The following FAM81A variants were observed in gnomAD, a reference collection of about 807,000 sequenced individuals.
FAM81A encodes family with sequence similarity 81 member A.
In FAM81A, 19 loss-of-function variants were observed where a neutral mutation model predicts 46.7. That is an observed-to-expected ratio of 0.41 (90% confidence interval 0.28 to 0.60). The LOEUF is 0.60. Ranked by LOEUF, FAM81A falls within the 20% of genes least tolerant of loss-of-function variation. The pLI is 0.34. For missense variants in FAM81A, 377 were observed against 453.5 expected (o/e 0.83, Z 1.53); for synonymous variants, 183 against 152.9 (o/e 1.20, Z -1.45).
upstream of FAM81A, chr15:59,438,059 C>G (rs2081255426): frequency 6.7e-6 from 1 of 149,138 alleles, no homozygotes; most frequent in African/African-American, 2.4e-5. Context: ...AGGCAACGCG[C>G]CCGGAAGCGG....
intron 2 of FAM81A, among the ~76,000 whole-genome samples, chr15:59,422,303 A>T (rs1378043073): frequency 6.6e-6 from 1 of 152,056 alleles, no homozygotes; most frequent in Non-Finnish European, 1.5e-5. Flanking sequence ...TTAGGGTATC[A>T]CTTGAGCCCA....
intron 3 of FAM81A, among the ~76,000 whole-genome samples, chr15:59,480,469 C>A (rs1483723370): frequency 1.3e-5 from 2 of 152,022 alleles, no homozygotes; most frequent in Non-Finnish European, 2.9e-5. Context: ...TATTCCAAGC[C>A]GTTTTGGGAA....
rs78895617 is a variant in FAM81A, at chr15:59,448,853, G to A, written c.-77-9697G>A. 1.3e-4 allele frequency among the ~76,000 whole-genome samples: 20 copies of A among 152,040 alleles called. No homozygotes were observed. The East Asian group carries it at 3.7e-3, about 28-fold the overall frequency. ...TTTATTGTTATTTTGTTGTAGAGACGGGGGCATTGCTATGTTGCACAGGCT... is the reference window on the plus strand; with the variant it reads ...TTTATTGTTATTTTGTTGTAGAGACAGGGGCATTGCTATGTTGCACAGGCT... On this transcript the variant is annotated intron_variant, in intron 1 of 8. Transcript: ENST00000288228.
In FAM81A at chr15:59,460,118, G is replaced by A. The variant is rs1277100664; in HGVS notation, c.206G>A (p.Gly69Glu). Residue 69 changes from glycine (G) to glutamate (E), a missense_variant, in exon 3 of 9, where the codon GGG becomes GAG. Coordinates refer to ENST00000288228, the MANE Select transcript of FAM81A (RefSeq NM_152450.3). The surrounding 1 kb of genome is among the most constrained non-coding windows in gnomAD (Gnocchi z 4.4). The part of the protein sequence containing the change: ...VNSLQKMQNK[G>E]GGDRLARLFL... ...AGTTTGCAGAAAATGCAAAACAAAG[G>A]GGGAGGTGACCGCTTGGCCAGGCTT... 1.2e-6 allele frequency: 2 copies of A among 1,613,882 alleles called. No individual in the cohort carries two copies. Among genetic ancestry groups the A allele is most frequent in the East Asian group, 2.2e-5 (1 of 44,902 alleles).
In FAM81A at chr15:59,477,771, G is replaced by A. The variant is rs148225444; in HGVS notation, c.295-14500G>A. Among the ~76,000 whole-genome samples, 313 of 152,270 alleles carry A rather than the reference G, an allele frequency of 2.1e-3. 2 individuals are homozygous for A. The highest frequency in any genetic ancestry group is 7.0e-3 in the African/African-American group (290 of 41,560). ...TTATATTCTTTCAGCAGATACCAGT[G>A]TCAAAACAGATGACTCTTGTATACT... On this transcript the variant is annotated intron_variant, in intron 3 of 8. Transcript: ENST00000288228.
At chr15:59,449,694 A>G (rs1183610819) in intron 1 of FAM81A, among the ~76,000 whole-genome samples, 1 of 148,170 alleles carries the variant, frequency 6.7e-6, no homozygotes, top group Non-Finnish European at 1.5e-5. Flanking sequence ...AGGCAGGAGA[A>G]TGGCGTGAAC....
intron 4 of FAM81A, among the ~76,000 whole-genome samples, chr15:59,500,083 C>A (rs1347585614): frequency 4.0e-5 from 6 of 151,818 alleles, no homozygotes; most frequent in Admixed American, 6.6e-5. Flanking sequence ...AAACTCCTGG[C>A]CTCAAGTGAT....
chr15:59,500,672 ACT>A (rs1369099563), intron 4 of FAM81A, among the ~76,000 whole-genome samples: 1 of 140,040 alleles, frequency 7.1e-6, no homozygotes, highest in Admixed American at 7.1e-5. Flanking sequence ...TTTTTTGGAG[ACT>A]CTCTTCATTT....
At position 59,454,591 on chromosome 15, in the gene FAM81A, T is replaced by C. The variant is rs569350611; in HGVS notation, c.-77-3959T>C. On this transcript the variant is annotated intron_variant, in intron 1 of 8. Transcript: ENST00000288228. ...CTCTTCTGTGAACTTCTGAATTCTA[T>C]TTATATATTGCATATTTTGGGCATT... Among the ~76,000 whole-genome samples, 24 of 152,218 alleles carry C rather than the reference T, an allele frequency of 1.6e-4. No homozygotes were observed. In the East Asian group the frequency reaches 4.6e-3, roughly 29 times the overall value.
chr15:59,501,643 ACT>A (rs1221638889), intron 4 of FAM81A, among the ~76,000 whole-genome samples: 5 of 152,024 alleles, frequency 3.3e-5, no homozygotes, highest in Non-Finnish European at 5.9e-5. Flanking sequence ...GACGTTTGGG[ACT>A]CTCTAGATGG....
chr15:59,476,312 T>C (rs1244338835), intron 3 of FAM81A, among the ~76,000 whole-genome samples: 1 of 149,996 alleles, frequency 6.7e-6, no homozygotes, highest in African/African-American at 2.4e-5. Context: ...AGCCTCAACC[T>C]CCTGGGCTCA....
intron 2 of FAM81A, among the ~76,000 whole-genome samples, chr15:59,417,268 G>T (rs2141546778): frequency 6.6e-6 from 1 of 152,150 alleles, no homozygotes; most frequent in Admixed American, 6.6e-5. Flanking sequence ...TGAGTTAGTG[G>T]TCACATGCCG....
chr15:59,510,071 A>C (rs868048159), intron 6 of FAM81A, among the ~76,000 whole-genome samples: 18 of 152,200 alleles, frequency 1.2e-4, no homozygotes, highest in Middle Eastern at 3.2e-3. Flanking sequence ...TCAAACTTAG[A>C]AAACCAAATA....
intron 2 of FAM81A, among the ~76,000 whole-genome samples, chr15:59,433,035 G>T (rs1461377409): frequency 1.2e-4 from 18 of 150,460 alleles, no homozygotes; most frequent in Admixed American, 1.2e-3. Flanking sequence ...CCAGCTACTC[G>T]GGAGGCTGAG....
chr15:59,419,954 G>A, intron 2 of FAM81A, among the ~76,000 whole-genome samples: 1 of 152,144 alleles, frequency 6.6e-6, no homozygotes, highest in East Asian at 1.9e-4. Context: ...TCATGCAGCT[G>A]GAATGTATTT....
rs182130848 is a variant in FAM81A at position 59,491,101 on chromosome 15, A to G, written c.295-1170A>G. ...GAAAGGAAATCAGTATATGGAAGAG[A>G]TATCTGCACTCCCGTGTTTATTGCA... On this transcript the variant is annotated intron_variant, in intron 3 of 8. Transcript: ENST00000288228. Among the ~76,000 whole-genome samples, 599 of 152,292 alleles carry G rather than the reference A, an allele frequency of 3.9e-3. 9 individuals carry two copies. The highest frequency in any genetic ancestry group is 5.2e-3 in the Non-Finnish European group (355 of 68,020).
chr15:59,485,389 C>T (rs2081905574), intron 3 of FAM81A, among the ~76,000 whole-genome samples: 1 of 152,178 alleles, frequency 6.6e-6, no homozygotes, highest in Non-Finnish European at 1.5e-5. Context: ...TGCCCCACTT[C>T]CCAGCTCCAG....
At chr15:59,403,309 A>T (rs1259358570) in intron 2 of FAM81A, among the ~76,000 whole-genome samples, 1 of 152,204 alleles carries the variant, frequency 6.6e-6, no homozygotes, top group Non-Finnish European at 1.5e-5. Flanking sequence ...AATTAAGGTT[A>T]AATGAGACCA....
chr15:59,459,347 C>T (rs2081522019), intron 2 of FAM81A, among the ~76,000 whole-genome samples: 1 of 152,136 alleles, frequency 6.6e-6, no homozygotes, highest in Non-Finnish European at 1.5e-5. Flanking sequence ...CAAGCGATTT[C>T]ACATACAAGT....
Sources: allele counts gnomAD v4.1 joint callset (sites outside exome capture counted in the v4.1 genomes callset), GRCh38; gene constraint gnomAD v4.1.1; non-coding constraint Gnocchi (gnomAD v3.1); transcripts MANE v1.5; gene names NCBI Gene and HGNC (gene_info 2026-07-23, HGNC 2026-07-21).